ANOS1: variants seen among roughly 807,000 people sequenced by gnomAD.
ANOS1 encodes anosmin 1, also known as anosmin-1.
A neutral mutation model predicts 59.0 loss-of-function variants in ANOS1; 6 were observed. The observed-to-expected ratio is 0.10, with a 90% confidence interval of 0.06 to 0.20. ANOS1 has a LOEUF of 0.20. Ranked by LOEUF, ANOS1 falls within the 10% of genes least tolerant of loss-of-function variation. The probability of loss-of-function intolerance (pLI) is 1.00; values close to 1 mark genes in which losing one functional copy is unlikely to be tolerated. For missense variants in ANOS1, 433 were observed against 542.3 expected, an observed-to-expected ratio of 0.80 and a Z score of 2.00; for synonymous variants, 217 against 223.4, an observed-to-expected ratio of 0.97 and a Z score of 0.25.
At chrX:8,586,634 T>A (rs1440895062) in intron 5 of ANOS1, among the ~76,000 whole-genome samples, 3 of 112,044 alleles carry the variant, frequency 2.7e-5, no homozygotes, top group Non-Finnish European at 5.6e-5. Flanking sequence ...TTGGAAAAAT[T>A]ACAAATGAAT....
chrX:8,553,912 T>A (rs768143227), intron 9 of ANOS1, 40 bp downstream of exon 9: 11 of 1,158,118 alleles, frequency 9.5e-6, no homozygotes, highest in Middle Eastern at 2.4e-4. Context: ...TACTGTGCTG[T>A]TTAAAGCAAG....
chrX:8,640,863 G>T (rs749531038), intron 2 of ANOS1, among the ~76,000 whole-genome samples: 12 of 111,874 alleles, frequency 1.1e-4, no homozygotes, highest in East Asian at 2.8e-4. Flanking sequence ...GGTAGGGATT[G>T]TTCCCTAAAA....
At chrX:8,687,326 G>A (rs909567393) in intron 2 of ANOS1, among the ~76,000 whole-genome samples, 1 of 110,440 alleles carries the variant, frequency 9.1e-6, no homozygotes, top group South Asian at 3.8e-4. Flanking sequence ...CAGATGCCTG[G>A]TGGCTTTGCT....
At position 8,553,812 on chromosome X, in the gene ANOS1, G is replaced by A. The variant is rs181626831; in HGVS notation, c.1354+140C>T. The A allele has an allele frequency of 3.2e-3, 1,639 of 513,656 alleles. 1 individual carries two copies. Among genetic ancestry groups the A allele is most frequent in the Non-Finnish European group, 4.4e-3 (1,322 of 299,113 alleles). 42.3% of individuals were successfully genotyped at this position (513,656 alleles called of 1,213,427 possible). ...GTAGATTTCAAGATGTGAGATAACC[G>A]TCAACTCATTCAGACTTGTGTTCAA... On this transcript the variant is annotated intron_variant, in intron 9 of 13. Transcript: ENST00000262648.
Position 8,549,600 on chromosome X carries a change from G to A in ANOS1, c.1354+4352C>T, listed in dbSNP as rs188438537. The stretch of plus-strand genomic sequence containing the variant: ...AAGGCTGGGCTCAGAGGCTCTTTAC[G>A]TCTGTCCTGACATCCTGTCCTCTCT... On this transcript the variant is annotated intron_variant, in intron 9 of 13. Transcript: ENST00000262648. Among the ~76,000 whole-genome samples, 421 of 112,210 alleles carry A rather than the reference G, an allele frequency of 3.8e-3. 3 individuals are homozygous for A. The highest frequency in any genetic ancestry group is 0.013 in the African/African-American group (395 of 30,903).
intron 2 of ANOS1, among the ~76,000 whole-genome samples, chrX:8,637,498 A>T (rs1376969287): frequency 8.9e-6 from 1 of 112,193 alleles, no homozygotes; most frequent in Non-Finnish European, 1.9e-5. Flanking sequence ...CACATTACCT[A>T]GACCAGTGGT....
chrX:8,618,809 C>T (rs915717903), intron 3 of ANOS1, among the ~76,000 whole-genome samples: 9 of 110,988 alleles, frequency 8.1e-5, no homozygotes, highest in African/African-American at 9.8e-5. Flanking sequence ...CGGTGGCTCA[C>T]GCCTGTAATC....
intron 6 of ANOS1, among the ~76,000 whole-genome samples, chrX:8,583,830 T>A (rs899882979): frequency 8.9e-6 from 1 of 111,957 alleles, no homozygotes; most frequent in African/African-American, 3.2e-5. Context: ...GCAGCTTCCA[T>A]TCTAGATTAT....
chrX:8,575,364 C>T (rs1210723862), intron 6 of ANOS1, among the ~76,000 whole-genome samples: 3 of 111,865 alleles, frequency 2.7e-5, no homozygotes, highest in African/African-American at 9.7e-5. Context: ...TTCGTGTTCT[C>T]GGCAATGCAC....
chrX:8,618,240 T>C (rs1229827901), intron 3 of ANOS1, among the ~76,000 whole-genome samples: 2 of 112,292 alleles, frequency 1.8e-5, no homozygotes, highest in Non-Finnish European at 3.8e-5. Context: ...ATATATGTAG[T>C]AAAGTGAAAA....
intron 2 of ANOS1, among the ~76,000 whole-genome samples, chrX:8,659,519 TTTTC>T (rs773324101): frequency 3.5e-4 from 36 of 102,030 alleles, no homozygotes; most frequent in Admixed American, 8.6e-4. Flanking sequence ...GCTTGCTTGC[TTTTC>T]TTTCTTTCTT....
At chrX:8,569,594 ATT>A (rs1930190394) in intron 7 of ANOS1, among the ~76,000 whole-genome samples, 1 of 112,037 alleles carries the variant, frequency 8.9e-6, no homozygotes, top group African/African-American at 3.2e-5. Flanking sequence ...GTGAGCCGAG[ATT>A]GCTCCACTGC....
intron 1 of ANOS1, among the ~76,000 whole-genome samples, chrX:8,713,195 C>T (rs1226018434): frequency 9.0e-6 from 1 of 110,913 alleles, no homozygotes; most frequent in Non-Finnish European, 1.9e-5. Context: ...CTGACTTCTA[C>T]TTAGTAAGCT....
chrX:8,684,690 A>G (rs1250730026), intron 2 of ANOS1, among the ~76,000 whole-genome samples: 1 of 108,307 alleles, frequency 9.2e-6, no homozygotes, highest in Non-Finnish European at 1.9e-5. Flanking sequence ...TGCTGAACAC[A>G]CACTCCCAAA....
intron 2 of ANOS1, among the ~76,000 whole-genome samples, chrX:8,669,771 G>A (rs1932225473): frequency 8.9e-6 from 1 of 111,832 alleles, no homozygotes; most frequent in Admixed American, 9.5e-5. Context: ...AGGCTGTGTT[G>A]AGATTAACAG....
At position 8,530,910 on chromosome X, in the gene ANOS1, G is replaced by C. The variant is rs1287096255; in HGVS notation, c.*2085C>G. ...TTTAAGAACTTGAAATTCAGATGCT[G>C]GTAATGACACCAGAATAAAAAAGAG... On this transcript the variant is annotated 3_prime_UTR_variant, in exon 14 of 14. Coordinates refer to ENST00000262648, the MANE Select transcript of ANOS1 (RefSeq NM_000216.4). 5.4e-5 allele frequency: 6 copies of C among 110,296 alleles called. No individual in the cohort carries two copies. Among genetic ancestry groups the C allele is most frequent in the Non-Finnish European group, 7.6e-5 (4 of 52,792 alleles). 9.1% of individuals were successfully genotyped at this position (110,296 alleles called of 1,213,427 possible).
chrX:8,582,373 G>A (rs1395967319), intron 6 of ANOS1, among the ~76,000 whole-genome samples: 1 of 112,039 alleles, frequency 8.9e-6, no homozygotes, highest in Admixed American at 9.5e-5. Flanking sequence ...TCCAGGACCA[G>A]GTAAATGCCA....
At chrX:8,729,783 G>A (rs1461038687) in intron 1 of ANOS1, among the ~76,000 whole-genome samples, 9 of 106,473 alleles carry the variant, frequency 8.5e-5, no homozygotes, top group African/African-American at 2.8e-4. Flanking sequence ...GGTTTTATAA[G>A]GAGAATGTGT....
intron 1 of ANOS1, among the ~76,000 whole-genome samples, chrX:8,716,809 A>G (rs1022472987): frequency 8.9e-6 from 1 of 112,316 alleles, no homozygotes; most frequent in Non-Finnish European, 1.9e-5. Context: ...AAGCTAAGCC[A>G]TGTCATGACT....
Sources: gnomAD v4.1 joint callset for allele counts (sites outside exome capture counted in the v4.1 genomes callset) on GRCh38, gnomAD v4.1.1 for gene constraint, MANE v1.5 for transcripts, NCBI Gene and HGNC (gene_info 2026-07-23, HGNC 2026-07-21) for gene names.